VASP: variants seen among roughly 807,000 people sequenced by gnomAD.
The protein encoded by VASP is vasodilator-stimulated phosphoprotein.
In VASP, 27 loss-of-function variants were observed where a neutral mutation model predicts 54.4. The ratio of observed to expected loss-of-function variants is 0.50; its 90% CI spans 0.37 to 0.68. The LOEUF is 0.68. Among genes scored for constraint, VASP ranks in the 30% least tolerant of loss-of-function variants. The pLI, the probability that VASP is intolerant of heterozygous loss-of-function variation, is 0.00. For synonymous variants in VASP, 233 were observed against 209.8 expected, an observed-to-expected ratio of 1.11 and a Z score of -0.96; for missense variants, 488 against 528.3, an observed-to-expected ratio of 0.92 and a Z score of 0.75.
rs1968521306 is a variant in VASP at position 45,507,929 on chromosome 19, G to C, written c.5+153G>C. On this transcript the variant is annotated intron_variant, in intron 1 of 12. Coordinates refer to ENST00000245932, the MANE Select transcript of VASP (RefSeq NM_003370.4). The surrounding 1 kb of genome is among the most constrained non-coding windows in gnomAD (Gnocchi z 4.4). ...GCTGAATCCCCTTGGACGCGCCCCAGAACCGTCGATCACTTCTCCACGACT... is the reference window on the plus strand; with the variant it reads ...GCTGAATCCCCTTGGACGCGCCCCACAACCGTCGATCACTTCTCCACGACT... Among the ~76,000 whole-genome samples, 1 of 152,032 alleles carries C rather than the reference G, an allele frequency of 6.6e-6. No individual in the cohort carries two copies. The highest frequency in any genetic ancestry group is 1.5e-5 in the Non-Finnish European group (1 of 67,984).
chr19:45,512,724 C>CA (rs1428231554), intron 1 of VASP, among the ~76,000 whole-genome samples: 6 of 151,752 alleles, frequency 4.0e-5, no homozygotes, highest in Non-Finnish European at 5.9e-5. Flanking sequence ...CTCAGCCTCC[C>CA]AAGTAGCTGG....
chr19:45,520,732 G>A (rs774581492), intron 3 of VASP, among the ~76,000 whole-genome samples: 4 of 152,194 alleles, frequency 2.6e-5, no homozygotes, highest in Non-Finnish European at 5.9e-5. Flanking sequence ...GGGAGGCTGA[G>A]GCAAGTGGAT....
chr19:45,511,223 G>C (rs1968594700), intron 1 of VASP, among the ~76,000 whole-genome samples: 1 of 152,082 alleles, frequency 6.6e-6, no homozygotes, highest in Non-Finnish European at 1.5e-5. Context: ...CTAAGTCTTG[G>C]GTTCAGGGGA....
At chr19:45,511,600 GA>G in intron 1 of VASP, among the ~76,000 whole-genome samples, 1 of 152,250 alleles carries the variant, frequency 6.6e-6, no homozygotes, top group South Asian at 2.1e-4. Context: ...TAGACTTCGG[GA>G]AAACACACTG....
rs762104608 is a variant in VASP at position 45,517,760 on chromosome 19, C to T, written c.103C>T (p.Arg35Cys). ...PAGTGPQAFS[R>C]VQIYHNPTAN... ...TGGCACGGGTCCCCAGGCCTTCAGCCGCGTCCAGATCTACCACAACCCCAC... is the reference window on the plus strand; with the variant it reads ...TGGCACGGGTCCCCAGGCCTTCAGCTGCGTCCAGATCTACCACAACCCCAC... The change falls in exon 2 of 13, where the codon CGC becomes TGC. Residue 35 changes from arginine to cysteine, a missense_variant. By Grantham distance (180) the Arg-to-Cys change is radical. Coordinates refer to ENST00000245932, the MANE Select transcript of VASP (RefSeq NM_003370.4). 5.6e-6 allele frequency: 9 copies of T among 1,613,752 alleles called. No individual in the cohort carries two copies. Among genetic ancestry groups the T allele is most frequent in the East Asian group, 2.2e-5 (1 of 44,884 alleles).
rs1420305042 is a variant in VASP, at chr19:45,526,136, C to G, written c.1106-4C>G. On this transcript the variant is annotated splice_polypyrimidine_tract_variant and splice_region_variant and intron_variant, in intron 12 of 12. Coordinates refer to ENST00000245932, the MANE Select transcript of VASP (RefSeq NM_003370.4). ...CCTGACCTCTGCTCCTTGTTTCCTT[C>G]CAGCCTTCGTCCAGGAGCTGAGGAA... 1.2e-6 allele frequency: 2 copies of G among 1,613,848 alleles called. No homozygotes were observed. The highest frequency in any genetic ancestry group is 2.2e-5 in the South Asian group (2 of 91,058).
chr19:45,518,378 C>G (rs185490745), intron 3 of VASP, among the ~76,000 whole-genome samples: 1 of 152,190 alleles, frequency 6.6e-6, no homozygotes, highest in East Asian at 1.9e-4. Flanking sequence ...CCGTGCCCAA[C>G]ATGGTGAAAT....
In VASP at chr19:45,517,779, A is replaced by T; in HGVS notation, c.122A>T (p.Asn41Ile). Residue 41 changes from asparagine (N) to isoleucine (I), a missense_variant, in exon 2 of 13, where the codon AAC becomes ATC. Asn to Ile is a moderately radical substitution (Grantham distance 149, BLOSUM62 -3). Coordinates refer to ENST00000245932, the MANE Select transcript of VASP (RefSeq NM_003370.4). ...QAFSRVQIYH[N>I]PTANSFRVVG... ...TTCAGCCGCGTCCAGATCTACCACA[A>T]CCCCACGGCCAATTCCTTTCGCGTC... 1 of 1,613,286 alleles carries T rather than the reference A, an allele frequency of 6.2e-7. No individual in the cohort carries two copies. Among genetic ancestry groups the T allele is most frequent in the Non-Finnish European group, 8.5e-7 (1 of 1,179,888 alleles).
chr19:45,517,607 G>A (rs1968730719), intron 1 of VASP, 56 bp from the exon 2 acceptor site: 1 of 1,574,612 alleles, frequency 6.4e-7, no homozygotes, highest in African/African-American at 1.3e-5. Flanking sequence ...GAATCTCCCA[G>A]GAGAGACCCA....
rs761974924 is a variant in VASP, at chr19:45,522,392, C to G, written c.531C>G (p.Pro177=). The change falls in exon 6 of 13, where the codon CCC becomes CCG. Residue 177 remains proline (P), a synonymous_variant. Coordinates refer to ENST00000245932, the MANE Select transcript of VASP (RefSeq NM_003370.4). ...GTCCACCCCCACCACCAGGACCTCC[C>G]CCTCCTCCAGGTCCCCCCCCACCCC... is the stretch of plus-strand genomic sequence containing the variant. ...AGGPPPPPGP[P]PPPGPPPPPG... 18 of 1,536,306 alleles carry G rather than the reference C, an allele frequency of 1.2e-5. No individual in the cohort carries two copies. Among genetic ancestry groups the G allele is most frequent in the Non-Finnish European group, 1.5e-5 (17 of 1,137,338 alleles).
At chr19:45,514,797 G>A (rs1237919669) in intron 1 of VASP, among the ~76,000 whole-genome samples, 1 of 152,178 alleles carries the variant, frequency 6.6e-6, no homozygotes, top group Non-Finnish European at 1.5e-5. Flanking sequence ...GCCAGAAACA[G>A]CCCCCGAGGC....
chr19:45,523,789 A>G (rs979358328), intron 8 of VASP, 52 bp from the exon 9 acceptor site: 3 of 1,613,910 alleles, frequency 1.9e-6, no homozygotes, highest in African/African-American at 2.7e-5. Context: ...GAAAGAGGAA[A>G]TGGGCAGAGG....
At chr19:45,508,022 C>T (rs904654276) in intron 1 of VASP, among the ~76,000 whole-genome samples, 2 of 151,958 alleles carry the variant, frequency 1.3e-5, no homozygotes, top group Admixed American at 6.6e-5. Flanking sequence ...TGGGGGCGCT[C>T]GGAGGACTCC....
rs1050930432 is a variant in VASP, at chr19:45,524,263, G to A, written c.956+121G>A. 3.6e-5 allele frequency: 42 copies of A among 1,162,250 alleles called. 1 individual carries two copies. The highest frequency in any genetic ancestry group is 2.7e-4 in the South Asian group (21 of 77,964). 72.0% of individuals were successfully genotyped at this position (1,162,250 alleles called of 1,614,324 possible). ...CCATCTCTACAAAAATTAGCCAGGC[G>A]TGGTAGCACTTACCTGTGGTCCCAG... is the stretch of plus-strand genomic sequence containing the variant. On this transcript the variant is annotated intron_variant, in intron 10 of 12. Transcript: ENST00000245932.
At chr19:45,521,654 C>G (rs372458735) in intron 4 of VASP, among the ~76,000 whole-genome samples, 1 of 152,118 alleles carries the variant, frequency 6.6e-6, no homozygotes. Flanking sequence ...TCTGGGAGGC[C>G]GAGGCGGGCA....
Position 45,524,104 on chromosome 19 carries a change from G to T in VASP, c.918G>T (p.Val306=). 6.2e-7 allele frequency: 1 copy of T among 1,614,014 alleles called. No individual in the cohort carries two copies. The change falls in exon 10 of 13, where the codon GTG becomes GTT. Residue 306 remains valine (V), a synonymous_variant. Coordinates refer to ENST00000245932, the MANE Select transcript of VASP (RefSeq NM_003370.4). ...EARVPAQSES[V]RRPWEKNSTT... ...TTTCTTGCCTATCCCCAGAATCTGT[G>T]CGGAGACCCTGGGAGAAGAACAGCA...
chr19:45,523,156 C>CCT (rs1411826266), intron 7 of VASP, among the ~76,000 whole-genome samples: 1 of 150,776 alleles, frequency 6.6e-6, no homozygotes, highest in East Asian at 1.9e-4. Flanking sequence ...CATAGAACCT[C>CCT]CTCCACCCTG....
intron 3 of VASP, among the ~76,000 whole-genome samples, chr19:45,518,801 AATACAGGTGTGCACCACC>A (rs915063344): frequency 7.2e-5 from 11 of 152,054 alleles, no homozygotes; most frequent in African/African-American, 2.7e-4. Flanking sequence ...AGTAGCTGGG[AATACAGGTGTGCACCACC>A]ATACTTGGCT....
intron 9 of VASP, 67 bp from the exon 10 acceptor site, chr19:45,524,030 G>C (rs2122343473): frequency 6.2e-7 from 1 of 1,612,248 alleles, no homozygotes; most frequent in South Asian, 1.1e-5. Flanking sequence ...GATGAGGTTG[G>C]GGGAGTAAGA....
Sources: allele counts gnomAD v4.1 joint callset (sites outside exome capture counted in the v4.1 genomes callset), GRCh38; gene constraint gnomAD v4.1.1; non-coding constraint Gnocchi (gnomAD v3.1); transcripts MANE v1.5; gene names NCBI Gene and HGNC (gene_info 2026-07-23, HGNC 2026-07-21).